Variants in PRR16 observed in about 807,000 individuals in gnomAD.
PRR16 encodes proline rich 16.
A neutral mutation model predicts 18.2 loss-of-function variants in PRR16; 6 were observed. The ratio of observed to expected loss-of-function variants is 0.33; its 90% CI spans 0.18 to 0.65. The LOEUF is 0.65. Ranked by LOEUF, PRR16 falls within the 30% of genes least tolerant of loss-of-function variation. The probability of loss-of-function intolerance (pLI) is 0.74; values close to 1 mark genes in which losing one functional copy is unlikely to be tolerated. For synonymous variants in PRR16, 151 were observed against 147.8 expected (o/e 1.02, Z -0.16); for missense variants, 412 against 376.6 (o/e 1.09, Z -0.78).
chr5:120,718,450 C>G, the PRR16 span, among the ~76,000 whole-genome samples: 1 of 151,928 alleles, frequency 6.6e-6, no homozygotes, highest in South Asian at 2.1e-4. Flanking sequence ...AAGTCATTGC[C>G]CCTGTTATAG....
intron 1 of PRR16, among the ~76,000 whole-genome samples, chr5:120,643,481 T>G (rs1455970088): frequency 6.6e-6 from 1 of 152,146 alleles, no homozygotes; most frequent in Non-Finnish European, 1.5e-5. Context: ...TAAAAAAATA[T>G]TCACTCATTG....
At chr5:120,482,694 A>G (rs1749658926) in intron 1 of PRR16, among the ~76,000 whole-genome samples, 1 of 152,064 alleles carries the variant, frequency 6.6e-6, no homozygotes, top group Admixed American at 6.6e-5. Flanking sequence ...AAGTTCTTTG[A>G]GAAATGTCGA....
intron 1 of PRR16, among the ~76,000 whole-genome samples, chr5:120,595,434 C>CAA (rs58436470): frequency 0.036 from 5,430 of 149,338 alleles, 102 homozygotes; most frequent in Admixed American, 0.061. Context: ...ATCAAAAAGT[C>CAA]AAAAAAAAAA....
At chr5:120,696,795 C>A in the PRR16 span, among the ~76,000 whole-genome samples, 1 of 152,120 alleles carries the variant, frequency 6.6e-6, no homozygotes, top group African/African-American at 2.4e-5. Context: ...ATACACTCAA[C>A]AGAAAAATAT....
rs1196027585 is a variant in PRR16, at chr5:120,686,164, C to G, written c.370C>G (p.Pro124Ala). 4 of 1,614,026 alleles carry G rather than the reference C, an allele frequency of 2.5e-6. No homozygotes were observed. The highest frequency in any genetic ancestry group is 3.4e-6 in the Non-Finnish European group (4 of 1,180,022). ...GGTCCTGAGAAAGCCAAACCCTCCA[C>G]CACCTCCTCCAAGGTTGACACCTGT... Reference protein sequence around the residue: ...LTVLRKPNPPPPPPRLTPVKC... With the variant: ...LTVLRKPNPPAPPPRLTPVKC... Residue 124 changes from proline (P) to alanine (A), a missense_variant, in exon 2 of 2, where the codon CCA (proline) becomes GCA (alanine). Physicochemically the swap from Pro to Ala is conservative, Grantham distance 27. Transcript: ENST00000407149.
intron 1 of PRR16, among the ~76,000 whole-genome samples, chr5:120,468,125 A>G (rs1016034605): frequency 6.6e-6 from 1 of 152,190 alleles, no homozygotes; most frequent in Non-Finnish European, 1.5e-5. Flanking sequence ...GTTGATTTAT[A>G]AAATGATGTG....
intron 1 of PRR16, among the ~76,000 whole-genome samples, chr5:120,500,465 C>CT (rs1750409429): frequency 6.6e-6 from 1 of 152,178 alleles, no homozygotes; most frequent in Non-Finnish European, 1.5e-5. Context: ...TTTAGTGCGT[C>CT]TGTCTGGAAG....
the PRR16 span, among the ~76,000 whole-genome samples, chr5:120,785,962 A>C: frequency 6.8e-6 from 1 of 146,544 alleles, no homozygotes; most frequent in Non-Finnish European, 1.5e-5. Flanking sequence ...CAATATATAT[A>C]TTTTAGTCAT....
intron 1 of PRR16, among the ~76,000 whole-genome samples, chr5:120,621,923 C>G (rs1045550237): frequency 2.0e-5 from 3 of 152,146 alleles, no homozygotes; most frequent in Non-Finnish European, 2.9e-5. Context: ...TTGGCCTTTT[C>G]CACTTAGCAT....
the PRR16 span, among the ~76,000 whole-genome samples, chr5:120,774,885 G>A: frequency 6.6e-6 from 1 of 152,074 alleles, no homozygotes; most frequent in African/African-American, 2.4e-5. Context: ...GCTTTCATCT[G>A]ATTCTCTTAA....
intron 1 of PRR16, among the ~76,000 whole-genome samples, chr5:120,560,854 G>A (rs1752552319): frequency 6.6e-6 from 1 of 151,958 alleles, no homozygotes; most frequent in South Asian, 2.1e-4. Context: ...TTCAATCTTG[G>A]TAGGTTGTAT....
At chr5:120,676,520 A>ATGTGTG (rs200837100) in intron 1 of PRR16, among the ~76,000 whole-genome samples, 12,791 of 123,320 alleles carry the variant, frequency 0.1, 663 homozygotes, top group Non-Finnish European at 0.14. Context: ...ATATATATAT[A>ATGTGTG]TATGTGTGTG....
At chr5:120,604,807 G>A (rs941091297) in intron 1 of PRR16, among the ~76,000 whole-genome samples, 1 of 152,154 alleles carries the variant, frequency 6.6e-6, no homozygotes, top group East Asian at 1.9e-4. Context: ...AGTTTGGGTG[G>A]ATATGAAATT....
intron 1 of PRR16, among the ~76,000 whole-genome samples, chr5:120,659,960 GC>G (rs1031825490): frequency 7.2e-5 from 11 of 152,002 alleles, no homozygotes; most frequent in African/African-American, 2.7e-4. Context: ...CCAACCCAGA[GC>G]CCCAGTACTT....
At chr5:120,552,573 G>T (rs1055766764) in intron 1 of PRR16, among the ~76,000 whole-genome samples, 1 of 151,848 alleles carries the variant, frequency 6.6e-6, no homozygotes, top group Non-Finnish European at 1.5e-5. Context: ...TGAAAAAACT[G>T]ACGTAGTTGT....
chr5:120,739,914 T>A, the PRR16 span, among the ~76,000 whole-genome samples: 1 of 152,192 alleles, frequency 6.6e-6, no homozygotes, highest in Non-Finnish European at 1.5e-5. Flanking sequence ...AAAACATATT[T>A]TAAAATTTAT....
chr5:120,754,449 TATATA>T, the PRR16 span, among the ~76,000 whole-genome samples: 1 of 97,284 alleles, frequency 1.0e-5, no homozygotes, highest in Non-Finnish European at 1.8e-5. Flanking sequence ...TAGTATATAT[TATATA>T]ATATATAGTA....
chr5:120,683,561 T>G (rs948684874), intron 1 of PRR16, among the ~76,000 whole-genome samples: 1 of 152,152 alleles, frequency 6.6e-6, no homozygotes, highest in African/African-American at 2.4e-5. Flanking sequence ...AACAAAGGTT[T>G]TCTAATTGTT....
the PRR16 span, among the ~76,000 whole-genome samples, chr5:120,716,173 T>G: frequency 6.6e-6 from 1 of 152,176 alleles, no homozygotes; most frequent in Non-Finnish European, 1.5e-5. Flanking sequence ...TCAACATATA[T>G]TTATTGGGGT....
Sources: allele counts gnomAD v4.1 joint callset (sites outside exome capture counted in the v4.1 genomes callset), GRCh38; gene constraint gnomAD v4.1.1; transcripts MANE v1.5; gene names NCBI Gene and HGNC (gene_info 2026-07-23, HGNC 2026-07-21).